Variants in VWA3A observed in about 807,000 individuals in gnomAD.
VWA3A encodes von Willebrand factor A domain-containing protein 3A.
In VWA3A, 134 loss-of-function variants were observed where a neutral mutation model predicts 160.4. The ratio of observed to expected loss-of-function variants is 0.84; its 90% CI spans 0.73 to 0.96. VWA3A has a LOEUF of 0.96. Among genes scored for constraint, VWA3A ranks in the 40% least tolerant of loss-of-function variants. The pLI, the probability that VWA3A is intolerant of heterozygous loss-of-function variation, is 0.00. For missense variants in VWA3A, 1,310 were observed against 1,447.9 expected (o/e 0.90, Z 1.55); for synonymous variants, 476 against 543.4 (o/e 0.88, Z 1.72).
chr16:22,148,847 A>G (rs980689410), intron 28 of VWA3A, among the ~76,000 whole-genome samples: 2 of 152,214 alleles, frequency 1.3e-5, no homozygotes, highest in Non-Finnish European at 2.9e-5. Flanking sequence ...AGGAACTACC[A>G]TGTGGCCTTG....
chr16:22,150,828 C>G lies in VWA3A; in HGVS notation c.3263C>G (p.Ser1088Cys). 6.2e-7 allele frequency: 1 copy of G among 1,613,484 alleles called. No individual in the cohort carries two copies. Among genetic ancestry groups the G allele is most frequent in the East Asian group, 2.2e-5 (1 of 44,880 alleles). The change falls in exon 30 of 34, where the codon TCC (serine) becomes TGC (cysteine). Residue 1088 changes from serine to cysteine, a missense_variant. Coordinates refer to ENST00000389398, the MANE Select transcript of VWA3A (RefSeq NM_173615.5). ...AGAGATGTGAAAGTGCACACCATTT[C>G]CTTGAACTGCTCAGACAGGTGCGCA... ...EKRDVKVHTI[S>C]LNCSDRAAVE... is the part of the protein sequence containing the mutation.
intron 8 of VWA3A, among the ~76,000 whole-genome samples, chr16:22,113,013 C>T (rs936660497): frequency 7.9e-5 from 12 of 152,184 alleles, no homozygotes; most frequent in South Asian, 6.2e-4. Flanking sequence ...TGAACAAGAA[C>T]GTTTTTTACT....
At chr16:22,152,420 C>T (rs894972145) in intron 30 of VWA3A, 91 bp from the exon 31 acceptor site, 2 of 1,511,052 alleles carry the variant, frequency 1.3e-6, no homozygotes, top group African/African-American at 1.4e-5. Flanking sequence ...TCTTAAGCCC[C>T]ACGGACTTAA....
At chr16:22,112,696 C>G (rs1039137435) in intron 8 of VWA3A, among the ~76,000 whole-genome samples, 11 of 152,122 alleles carry the variant, frequency 7.2e-5, no homozygotes, top group African/African-American at 2.7e-4. Flanking sequence ...GTACTTCAGC[C>G]TGGGTGACAG....
intron 17 of VWA3A, 28 bp from the exon 18 acceptor site, chr16:22,131,177 A>G: frequency 1.9e-6 from 3 of 1,610,712 alleles, no homozygotes; most frequent in Non-Finnish European, 8.5e-7. Flanking sequence ...CCCCCAGCCT[A>G]AGAACGAACT....
At chr16:22,106,802 G>A (rs780069061) in intron 6 of VWA3A, among the ~76,000 whole-genome samples, 10 of 152,200 alleles carry the variant, frequency 6.6e-5, no homozygotes, top group Non-Finnish European at 1.5e-4. Flanking sequence ...GGGCGAGAAC[G>A]ATGGAGGCTT....
At position 22,146,087 on chromosome 16, in the gene VWA3A, G is replaced by A. The variant is rs190729916; in HGVS notation, c.2731-149G>A. ...TCCTCCTGCCTCGGCCTCCCAAAGCGCTGGGATTACAGGCATGAGCCACCG... is the reference window on the plus strand; with the variant it reads ...TCCTCCTGCCTCGGCCTCCCAAAGCACTGGGATTACAGGCATGAGCCACCG... On this transcript the variant is annotated intron_variant, in intron 26 of 33. Coordinates refer to ENST00000389398, the MANE Select transcript of VWA3A (RefSeq NM_173615.5). 2,565 of 600,696 alleles carry A rather than the reference G, an allele frequency of 4.3e-3. 18 individuals are homozygous for A. Among genetic ancestry groups the A allele is most frequent in the Non-Finnish European group, 6.0e-3 (2,029 of 340,184 alleles). 37.2% of individuals were successfully genotyped at this position (600,696 alleles called of 1,614,324 possible). A position where few individuals can be genotyped will look rare whatever the true frequency, so the allele number is the denominator to read the frequency against.
At chr16:22,109,403 C>A in intron 6 of VWA3A, 79 bp from the exon 7 acceptor site, 1 of 1,214,474 alleles carries the variant, frequency 8.2e-7, no homozygotes, top group Non-Finnish European at 1.2e-6. Context: ...GTTTGCATCA[C>A]TGCGTGGCAC....
Position 22,138,406 on chromosome 16 carries a change from T to A in VWA3A, c.2186T>A (p.Leu729Gln). ...ASLKNHSGKV[L>Q]GSSALPKEKP... ...CTGAAGAACCATTCAGGAAAAGTACTGGGAAGTTCAGCCCTCCCGAAAGAA... is the reference window on the plus strand; with the variant it reads ...CTGAAGAACCATTCAGGAAAAGTACAGGGAAGTTCAGCCCTCCCGAAAGAA... Residue 729 changes from leucine (L) to glutamine (Q), a missense_variant, in exon 22 of 34, where the codon CTG becomes CAG. By Grantham distance (113) the Leu-to-Gln change is moderately radical. Coordinates refer to ENST00000389398, the MANE Select transcript of VWA3A (RefSeq NM_173615.5). The A allele has an allele frequency of 6.2e-7, 1 of 1,610,426 alleles. No individual in the cohort carries two copies. Among genetic ancestry groups the A allele is most frequent in the Non-Finnish European group, 8.5e-7 (1 of 1,178,562 alleles).
chr16:22,098,409 G>A (rs561978727), intron 3 of VWA3A, among the ~76,000 whole-genome samples: 1 of 152,340 alleles, frequency 6.6e-6, no homozygotes, highest in African/African-American at 2.4e-5. Context: ...GGTTGATAGA[G>A]TTTTGAGATT....
chr16:22,104,565 G>C (rs1787257292), intron 6 of VWA3A, among the ~76,000 whole-genome samples: 1 of 152,118 alleles, frequency 6.6e-6, no homozygotes, highest in Admixed American at 6.5e-5. Flanking sequence ...TGTAGTCCCA[G>C]CTACTTGAGA....
intron 31 of VWA3A, among the ~76,000 whole-genome samples, chr16:22,153,124 T>A (rs1211042737): frequency 6.6e-6 from 1 of 152,180 alleles, no homozygotes; most frequent in Non-Finnish European, 1.5e-5. Flanking sequence ...GGTGGGTGGA[T>A]CACTTGAGGT....
intron 16 of VWA3A, among the ~76,000 whole-genome samples, 166 bp downstream of exon 16, chr16:22,123,873 T>C (rs1325166234): frequency 1.3e-5 from 2 of 152,086 alleles, no homozygotes; most frequent in African/African-American, 4.8e-5. Flanking sequence ...ACCAACACCA[T>C]CACTGATGTC....
Position 22,140,211 on chromosome 16 carries a change from C to T in VWA3A, c.2350C>T (p.Arg784Cys), listed in dbSNP as rs781718639. ...KSPPLKSLKW[R>C]PLSSRVGISP... ...CCCCCCGCTGAAATCTCTGAAATGG[C>T]GTCCACTCAGTAGCAGAGTTGGCAT... Residue 784 changes from arginine to cysteine, a missense_variant, in exon 23 of 34, where the codon CGT (arginine) becomes TGT (cysteine). Coordinates refer to ENST00000389398, the MANE Select transcript of VWA3A (RefSeq NM_173615.5). The T allele has an allele frequency of 3.5e-5, 57 of 1,613,538 alleles. No homozygotes were observed. The highest frequency in any genetic ancestry group is 1.2e-4 in the South Asian group (11 of 91,048).
Position 22,143,895 on chromosome 16 carries a change from C to A in VWA3A, c.2593-352C>A, listed in dbSNP as rs555257170. ...AGCTGGGATTACAGGCATGCACCAC[C>A]ACTCCTGGCTAATTTTTTGTATTTA... On this transcript the variant is annotated intron_variant, in intron 25 of 33. Coordinates refer to ENST00000389398, the MANE Select transcript of VWA3A (RefSeq NM_173615.5). Among the ~76,000 whole-genome samples, 36 of 152,006 alleles carry A rather than the reference C, an allele frequency of 2.4e-4. No individual in the cohort carries two copies. The South Asian group carries it at 7.3e-3, about 31-fold the overall frequency.
At chr16:22,125,225 A>C (rs1363956796) in intron 16 of VWA3A, among the ~76,000 whole-genome samples, 1 of 151,534 alleles carries the variant, frequency 6.6e-6, no homozygotes, top group East Asian at 2.0e-4. Context: ...AAAAAAAAAA[A>C]AAAAATTTAA....
At position 22,121,563 on chromosome 16, in the gene VWA3A, T is replaced by G; in HGVS notation, c.1302T>G (p.Pro434=). 2 of 1,613,830 alleles carry G rather than the reference T, an allele frequency of 1.2e-6. No homozygotes were observed. Among genetic ancestry groups the G allele is most frequent in the Non-Finnish European group, 1.7e-6 (2 of 1,179,822 alleles). The change falls in exon 14 of 34, where the codon CCT becomes CCG. Residue 434 remains proline (P), a synonymous_variant. Transcript: ENST00000389398. ...YQVLAPNAFS[P]VEEFVPILQK... is the part of the protein sequence containing the mutation. ...TCCTGGCACCCAATGCATTCTCTCC[T>G]GTGGAGGAATTTGTACCTATTCTCC... is the stretch of plus-strand genomic sequence containing the variant.
intron 30 of VWA3A, 68 bp from the exon 31 acceptor site, chr16:22,152,443 C>G (rs1465193927): frequency 1.3e-6 from 2 of 1,587,508 alleles, no homozygotes; most frequent in Non-Finnish European, 1.7e-6. Flanking sequence ...TCCCCATGGA[C>G]GTGGGGAGTC....
In VWA3A at chr16:22,140,344, G is replaced by T. The variant is rs1427505687; in HGVS notation, c.2383+100G>T. On this transcript the variant is annotated intron_variant, in intron 23 of 33. Coordinates refer to ENST00000389398, the MANE Select transcript of VWA3A (RefSeq NM_173615.5). ...TAACTAGAGCCACGTGTGGAAGCTC[G>T]TGCCTATAATCCCAGCACTTTTGGA... 4 of 1,157,736 alleles carry T rather than the reference G, an allele frequency of 3.5e-6. No individual in the cohort carries two copies. In the Admixed American group the frequency reaches 8.1e-5, roughly 23 times the overall value. The allele number at this position is 1,157,736 out of a possible 1,614,324, so 71.7% of individuals were successfully genotyped here.
Sources: gnomAD v4.1 joint callset for allele counts (sites outside exome capture counted in the v4.1 genomes callset) on GRCh38, gnomAD v4.1.1 for gene constraint, MANE v1.5 for transcripts, NCBI Gene and HGNC (gene_info 2026-07-23, HGNC 2026-07-21) for gene names.